Variants in ARL8B observed in about 807,000 individuals in gnomAD.
ARL8B encodes ARF like GTPase 8B, also known as ADP-ribosylation factor-like protein 8B.
ARL8B carries 9 observed loss-of-function variants against 30.6 expected under a neutral mutation model. The observed-to-expected ratio is 0.29, with a 90% CI of 0.18 to 0.51. ARL8B has a LOEUF of 0.51. ARL8B is among the 20% of genes least tolerant of loss of function. The probability of loss-of-function intolerance (pLI) is 0.97; values close to 1 mark genes in which losing one functional copy is unlikely to be tolerated. For synonymous variants in ARL8B, 74 were observed against 76.0 expected (o/e 0.97, Z 0.14); for missense variants, 130 against 227.2 (o/e 0.57, Z 2.75).
intron 1 of ARL8B, among the ~76,000 whole-genome samples, chr3:5,154,935 A>G (rs997038093): frequency 5.3e-5 from 8 of 152,082 alleles, no homozygotes; most frequent in Non-Finnish European, 1.0e-4. Context: ...TGTTTTCACT[A>G]TGTTGGCCAG....
Position 5,126,993 on chromosome 3 carries a change from T to C in ARL8B, c.123+4405T>C, listed in dbSNP as rs556129868. ...TTTTAAATGGAAGTATAAAAATTTG[T>C]CTACACTTTTGCACATTGTTGATAC... is the stretch of plus-strand genomic sequence containing the variant. On this transcript the variant is annotated intron_variant, in intron 1 of 6. Coordinates refer to ENST00000256496, the MANE Select transcript of ARL8B (RefSeq NM_018184.3). Among the ~76,000 whole-genome samples the C allele has an allele frequency of 1.6e-4, 24 of 152,366 alleles. No homozygotes were observed. The South Asian group carries it at 5.0e-3, about 32-fold the overall frequency.
chr3:5,127,232 C>A (rs933380161), intron 1 of ARL8B, among the ~76,000 whole-genome samples: 10 of 152,152 alleles, frequency 6.6e-5, no homozygotes, highest in Admixed American at 6.5e-4. Flanking sequence ...TAATTCGTAG[C>A]AGAGATAGAA....
intron 3 of ARL8B, 39 bp downstream of exon 3, chr3:5,172,262 T>A (rs1230455080): frequency 1.3e-6 from 2 of 1,536,596 alleles, no homozygotes; most frequent in Non-Finnish European, 1.8e-6. Context: ...TTTAAATCAA[T>A]GTAGGCATCA....
chr3:5,151,028 CG>C (rs2054478854), intron 1 of ARL8B, among the ~76,000 whole-genome samples: 1 of 151,702 alleles, frequency 6.6e-6, no homozygotes, highest in South Asian at 2.1e-4. Flanking sequence ...TTTTTAATGT[CG>C]GTGGAGTCTG....
intron 1 of ARL8B, 33 bp downstream of exon 1, chr3:5,122,621 C>T: frequency 6.3e-7 from 1 of 1,577,108 alleles, no homozygotes; most frequent in Non-Finnish European, 8.6e-7. Context: ...GCCCGGGGCT[C>T]CGCAGCCAGG....
rs1302695534 is a variant in ARL8B, at chr3:5,180,629, A to T, written c.*1916A>T. The T allele has an allele frequency of 1.3e-5, 2 of 152,666 alleles. No individual in the cohort carries two copies. The highest frequency in any genetic ancestry group is 4.8e-5 in the African/African-American group (2 of 41,462). The allele number at this position is 152,666 out of a possible 1,614,324, so 9.5% of individuals were successfully genotyped here. On this transcript the variant is annotated 3_prime_UTR_variant, in exon 7 of 7. Coordinates refer to ENST00000256496, the MANE Select transcript of ARL8B (RefSeq NM_018184.3). ...CTGTGCATTAACCTCTGCATGTGAA[A>T]ACTTTTAACAGTTACTGAACTATGT...
At position 5,148,553 on chromosome 3, in the gene ARL8B, G is replaced by A. The variant is rs1184759680; in HGVS notation, c.124-21950G>A. ...GGCATGCGTGATAGGTGGTTCCAGGGCCTTTCACTGGGTGAGGGCTTTTTA... is the reference window on the plus strand; with the variant it reads ...GGCATGCGTGATAGGTGGTTCCAGGACCTTTCACTGGGTGAGGGCTTTTTA... On this transcript the variant is annotated intron_variant, in intron 1 of 6. Transcript: ENST00000256496. Among the ~76,000 whole-genome samples, 6 of 152,254 alleles carry A rather than the reference G, an allele frequency of 3.9e-5. No individual in the cohort carries two copies. In the South Asian group the frequency reaches 1.2e-3, roughly 32 times the overall value.
intron 1 of ARL8B, among the ~76,000 whole-genome samples, chr3:5,165,684 C>A (rs2054617859): frequency 6.6e-6 from 1 of 152,082 alleles, no homozygotes; most frequent in Non-Finnish European, 1.5e-5. Flanking sequence ...AACCATGAGA[C>A]ATTTGTTAAA....
chr3:5,124,252 A>G (rs2570009), intron 1 of ARL8B, among the ~76,000 whole-genome samples: 1 of 137,734 alleles, frequency 7.3e-6, no homozygotes, highest in Admixed American at 7.6e-5. Flanking sequence ...ATCTAATACC[A>G]CTAATTTTTT....
chr3:5,144,410 G>A (rs1295427989), intron 1 of ARL8B, among the ~76,000 whole-genome samples: 1 of 152,182 alleles, frequency 6.6e-6, no homozygotes, highest in Non-Finnish European at 1.5e-5. Flanking sequence ...AAGTTACACA[G>A]CTTCCACGTA....
At chr3:5,128,475 A>G (rs1449444163) in intron 1 of ARL8B, 1 of 455,118 alleles carries the variant, frequency 2.2e-6, no homozygotes. Context: ...GAATCTTGAA[A>G]GCCAAATGTT....
At chr3:5,147,836 T>C (rs1339451163) in intron 1 of ARL8B, among the ~76,000 whole-genome samples, 1 of 151,398 alleles carries the variant, frequency 6.6e-6, no homozygotes, top group African/African-American at 2.4e-5. Context: ...AATTTTCTCA[T>C]GTGATTTTTG....
intron 1 of ARL8B, 97 bp downstream of exon 1, chr3:5,122,685 G>C (rs1046605328): frequency 3.5e-5 from 48 of 1,354,008 alleles, no homozygotes; most frequent in Non-Finnish European, 4.8e-5. Context: ...TCGGCGCGAT[G>C]GGACTGATGG....
At chr3:5,173,469 G>C (rs780372072) in intron 4 of ARL8B, among the ~76,000 whole-genome samples, 2 of 152,196 alleles carry the variant, frequency 1.3e-5, no homozygotes, top group African/African-American at 4.8e-5. Context: ...GGGCGCGGTG[G>C]CTCATGCCTG....
At chr3:5,123,994 C>T (rs980942347) in intron 1 of ARL8B, among the ~76,000 whole-genome samples, 1 of 152,154 alleles carries the variant, frequency 6.6e-6, no homozygotes, top group Non-Finnish European at 1.5e-5. Flanking sequence ...CTGCCTCCAC[C>T]TCCTGCGTAG....
At chr3:5,142,751 T>C (rs2054385366) in intron 1 of ARL8B, among the ~76,000 whole-genome samples, 1 of 152,224 alleles carries the variant, frequency 6.6e-6, no homozygotes, top group Non-Finnish European at 1.5e-5. Flanking sequence ...TTGAGTTTTT[T>C]ATTAGTTTGA....
At chr3:5,163,187 A>T (rs190137540) in intron 1 of ARL8B, among the ~76,000 whole-genome samples, 1 of 151,802 alleles carries the variant, frequency 6.6e-6, no homozygotes, top group Non-Finnish European at 1.5e-5. Flanking sequence ...AGGTTTCGCT[A>T]TGTTGGCCAG....
chr3:5,150,462 C>CT (rs2054471969), intron 1 of ARL8B, among the ~76,000 whole-genome samples: 2 of 68,112 alleles, frequency 2.9e-5, no homozygotes, highest in Non-Finnish European at 5.4e-5. Flanking sequence ...GAATCCATGT[C>CT]AAAATAAATA....
Position 5,130,330 on chromosome 3 carries a change from A to T in ARL8B, c.123+7742A>T, listed in dbSNP as rs568852670. Among the ~76,000 whole-genome samples the T allele has an allele frequency of 4.6e-5, 7 of 151,650 alleles. No homozygotes were observed. In the South Asian group the frequency reaches 1.5e-3, roughly 32 times the overall value. ...AGGAGCCACCACGCCTGCCCCTGAG[A>T]ACATAGTTCTTTTTTGTTGAGCTTC... On this transcript the variant is annotated intron_variant, in intron 1 of 6. Transcript: ENST00000256496.
Sources: allele counts gnomAD v4.1 joint callset (sites outside exome capture counted in the v4.1 genomes callset), GRCh38; gene constraint gnomAD v4.1.1; transcripts MANE v1.5; gene names NCBI Gene and HGNC (gene_info 2026-07-23, HGNC 2026-07-21).